Variants in TRAK2 observed in about 807,000 individuals in gnomAD.
TRAK2 encodes trafficking kinesin protein 2.
In TRAK2, 81 loss-of-function variants were observed where a neutral mutation model predicts 104.6. That is an observed-to-expected ratio of 0.77 (90% CI 0.65 to 0.93). TRAK2 has a LOEUF of 0.93. Ranked by LOEUF, TRAK2 falls within the 40% of genes least tolerant of loss-of-function variation. The probability of loss-of-function intolerance (pLI) is 0.00; values close to 1 mark genes in which losing one functional copy is unlikely to be tolerated. For synonymous variants in TRAK2, 406 were observed against 394.4 expected, an observed-to-expected ratio of 1.03 and a Z score of -0.35; for missense variants, 1,002 against 1,089.0, an observed-to-expected ratio of 0.92 and a Z score of 1.12.
chr2:201,399,352 T>C, intron 5 of TRAK2, 25 bp downstream of exon 5: 2 of 1,497,030 alleles, frequency 1.3e-6, no homozygotes, highest in Non-Finnish European at 1.9e-6. Flanking sequence ...TATTTCATAC[T>C]GCAGACATTT....
chr2:201,398,930 T>C (rs2125646152), intron 5 of TRAK2, among the ~76,000 whole-genome samples: 1 of 152,254 alleles, frequency 6.6e-6, no homozygotes, highest in African/African-American at 2.4e-5. Context: ...CCATCCAAGT[T>C]AATAATAAGT....
At chr2:201,397,877 G>GT (rs1418106252) in intron 6 of TRAK2, 1 of 554,716 alleles carries the variant, frequency 1.8e-6, no homozygotes, top group African/African-American at 1.9e-5. Flanking sequence ...TATCACAGTT[G>GT]TAACTACTTA....
chr2:201,407,402 C>A lies in TRAK2; in HGVS notation c.286+1G>T, dbSNP rs780668524. 6.2e-7 allele frequency: 1 copy of A among 1,611,786 alleles called. No individual in the cohort carries two copies. Among genetic ancestry groups the A allele is most frequent in the South Asian group, 1.1e-5 (1 of 90,642 alleles). On this transcript the variant is annotated splice_donor_variant, in intron 3 of 15. Transcript: ENST00000332624. LOFTEE classifies it high-confidence loss of function. ...ACTAAAAGAGTAAAAAAAATACTCACTCATGTAACGGAAAGTCTCTTCAGC... is the reference window on the plus strand; with the variant it reads ...ACTAAAAGAGTAAAAAAAATACTCAATCATGTAACGGAAAGTCTCTTCAGC...
rs1350733134 is a variant in TRAK2, at chr2:201,413,330, T to C, written c.92-5733A>G. 4.6e-6 allele frequency: 5 copies of C among 1,090,884 alleles called. No homozygotes were observed. The Admixed American group carries it at 6.8e-5, about 15-fold the overall frequency. 67.6% of individuals were successfully genotyped at this position (1,090,884 alleles called of 1,614,324 possible). On this transcript the variant is annotated intron_variant, in intron 2 of 15. Transcript: ENST00000332624. ...CCATGGCTGCAATATTGGGTAGTTA[T>C]AGTTACCTTTTCCCTCTCCTTCCAG... is the stretch of plus-strand genomic sequence containing the variant.
intron 6 of TRAK2, 103 bp from the exon 7 acceptor site, chr2:201,397,683 CA>C (rs1299781809): frequency 3.5e-6 from 3 of 865,080 alleles, no homozygotes; most frequent in Non-Finnish European, 3.6e-6. Context: ...TCATCACTTA[CA>C]AAGGAAAAAA....
intron 12 of TRAK2, among the ~76,000 whole-genome samples, chr2:201,388,815 G>A (rs897497971): frequency 2.6e-5 from 4 of 152,202 alleles, no homozygotes; most frequent in African/African-American, 9.6e-5. Flanking sequence ...CTAGTGTGAT[G>A]AATTTTTATG....
rs772007748 is a variant in TRAK2 at position 201,393,022 on chromosome 2, T to C, written c.1000A>G (p.Met334Val). The C allele has an allele frequency of 1.9e-6, 3 of 1,612,618 alleles. No homozygotes were observed. Among genetic ancestry groups the C allele is most frequent in the African/African-American group, 1.3e-5 (1 of 74,858 alleles). The change falls in exon 10 of 16, where the codon ATG (methionine) becomes GTG (valine). Residue 334 changes from methionine (M) to valine (V), a missense_variant. Transcript: ENST00000332624. ...TCATGTAACATTCCTAGACACTCCATATTCCTGTCTTGTAACTCGTGCAGC... is the reference window on the plus strand; with the variant it reads ...TCATGTAACATTCCTAGACACTCCACATTCCTGTCTTGTAACTCGTGCAGC... ...MELHELQDRN[M>V]ECLGMLHESQ...
chr2:201,445,420 A>G (rs1951957419), intron 1 of TRAK2, among the ~76,000 whole-genome samples: 3 of 152,246 alleles, frequency 2.0e-5, no homozygotes, highest in Admixed American at 2.0e-4. Flanking sequence ...TAAAGATTTA[A>G]GAAGTCTAAG....
At chr2:201,416,913 G>C (rs1251702131) in intron 2 of TRAK2, among the ~76,000 whole-genome samples, 2 of 151,722 alleles carry the variant, frequency 1.3e-5, no homozygotes, top group African/African-American at 4.8e-5. Flanking sequence ...AATAGAAAAA[G>C]AAAATAGGAG....
chr2:201,411,464 C>T (rs188201473), intron 2 of TRAK2: 2 of 743,856 alleles, frequency 2.7e-6, no homozygotes, highest in Non-Finnish European at 5.1e-6. Flanking sequence ...TTCCTATGTC[C>T]AAAGATTTCT....
Position 201,447,624 on chromosome 2 carries a change from CCTT to C in TRAK2, c.-200+3723_-200+3725del, listed in dbSNP as rs1951974381. On this transcript the variant is annotated intron_variant, in intron 1 of 15. Coordinates refer to ENST00000332624, the MANE Select transcript of TRAK2 (RefSeq NM_015049.3). The surrounding 1 kb of genome is among the most constrained non-coding windows in gnomAD (Gnocchi z 4.1). ...TGTGTCTCTTTTTGTGCTCAAATTT[CCTT>C]CTTATAAGGAAAACTGTCAGACTGG... Among the ~76,000 whole-genome samples the C allele has an allele frequency of 6.6e-6, 1 of 152,120 alleles. No individual in the cohort carries two copies. The highest frequency in any genetic ancestry group is 1.5e-5 in the Non-Finnish European group (1 of 68,020).
At chr2:201,402,168 T>C (rs1010131839) in intron 3 of TRAK2, among the ~76,000 whole-genome samples, 2 of 152,144 alleles carry the variant, frequency 1.3e-5, no homozygotes, top group African/African-American at 4.8e-5. Context: ...TAACTGTTTA[T>C]AGTTACTACT....
chr2:201,439,477 G>C (rs569206082), intron 1 of TRAK2, among the ~76,000 whole-genome samples: 2 of 151,638 alleles, frequency 1.3e-5, no homozygotes, highest in African/African-American at 2.4e-5. Context: ...ACATGATAAC[G>C]AGGAAAGTCC....
intron 1 of TRAK2, among the ~76,000 whole-genome samples, chr2:201,445,932 C>T (rs1951960856): frequency 1.3e-5 from 2 of 152,136 alleles, no homozygotes; most frequent in Non-Finnish European, 2.9e-5. Flanking sequence ...AATTTTATCA[C>T]ATTTACGCAT....
chr2:201,390,638 C>A (rs963445681), intron 10 of TRAK2, among the ~76,000 whole-genome samples: 17 of 149,544 alleles, frequency 1.1e-4, no homozygotes, highest in Non-Finnish European at 2.1e-4. Context: ...ATTAAAAAAT[C>A]ACTTAAAAAA....
At chr2:201,390,019 G>T in intron 10 of TRAK2, 139 bp from the exon 11 acceptor site, 2 of 577,960 alleles carry the variant, frequency 3.5e-6, no homozygotes, top group South Asian at 5.7e-5. Context: ...AAGACATTCT[G>T]GAAATATAAC....
chr2:201,389,972 T>C (rs1951431021), intron 10 of TRAK2, 92 bp from the exon 11 acceptor site: 3 of 910,778 alleles, frequency 3.3e-6, no homozygotes, highest in Non-Finnish European at 5.0e-6. Flanking sequence ...TATAATAAAA[T>C]ACAAGGAAAT....
At chr2:201,389,696 A>G (rs1951427222) in intron 11 of TRAK2, 105 bp downstream of exon 11, 1 of 1,156,976 alleles carries the variant, frequency 8.6e-7, no homozygotes, top group African/African-American at 1.5e-5. Flanking sequence ...ACTGAATAGT[A>G]AGCAAATTAC....
intron 3 of TRAK2, among the ~76,000 whole-genome samples, chr2:201,401,710 C>T (rs931028640): frequency 1.3e-5 from 2 of 151,982 alleles, no homozygotes; most frequent in African/African-American, 4.8e-5. Flanking sequence ...TTGTATGCTA[C>T]ATTATTAGTT....
Sources: allele counts gnomAD v4.1 joint callset (sites outside exome capture counted in the v4.1 genomes callset), GRCh38; gene constraint gnomAD v4.1.1; non-coding constraint Gnocchi (gnomAD v3.1); transcripts MANE v1.5; gene names NCBI Gene and HGNC (gene_info 2026-07-23, HGNC 2026-07-21).